The following DDX50 variants were observed in gnomAD, a reference collection of about 807,000 sequenced individuals.
DDX50 encodes DExD-box helicase 50.
In DDX50, 56 loss-of-function variants were observed where a neutral mutation model predicts 94.8. That is an observed-to-expected ratio of 0.59 (90% CI 0.48 to 0.74). The LOEUF is 0.74. Ranked by LOEUF, DDX50 falls within the 30% of genes least tolerant of loss-of-function variation. DDX50 has a pLI of 0.00. For synonymous variants in DDX50, 264 were observed against 295.4 expected (o/e 0.89, Z 1.09); for missense variants, 713 against 881.2 (o/e 0.81, Z 2.42).
At chr10:68,946,231 A>G in intron 14 of DDX50, 121 bp from the exon 15 acceptor site, 1 of 1,216,884 alleles carries the variant, frequency 8.2e-7, no homozygotes, top group Non-Finnish European at 1.1e-6. Flanking sequence ...TGTTCCAGAT[A>G]CGTTAACAGA....
rs919455442 is a variant in DDX50 at position 68,943,363 on chromosome 10, A to G, written c.1935+106A>G. 2.1e-5 allele frequency: 18 copies of G among 875,638 alleles called. No individual in the cohort carries two copies. The African/African-American group carries it at 2.1e-4, about 10-fold the overall frequency. The allele number at this position is 875,638 out of a possible 1,614,324, so 54.2% of individuals were successfully genotyped here. A position where few individuals can be genotyped will look rare whatever the true frequency, so the allele number is the denominator to read the frequency against. On this transcript the variant is annotated intron_variant, in intron 14 of 14. Coordinates refer to ENST00000373585, the MANE Select transcript of DDX50 (RefSeq NM_024045.2). ...CAATGTCATTATCATGCCTAAATCA[A>G]TGAGGAATTCCTTAATATAAAATAA... is the stretch of plus-strand genomic sequence containing the variant.
rs549071330 is a variant in DDX50, at chr10:68,935,027, A to T, written c.1521+109A>T. ...GGTCTTCATAACTTTTCTCAGTTTA[A>T]GCTGCATTTGGCTGTGAAGCCTGTG... On this transcript the variant is annotated intron_variant, in intron 10 of 14. Coordinates refer to ENST00000373585, the MANE Select transcript of DDX50 (RefSeq NM_024045.2). 869 of 1,374,726 alleles carry T rather than the reference A, an allele frequency of 6.3e-4. 1 individual carries two copies. The highest frequency in any genetic ancestry group is 8.0e-4 in the Non-Finnish European group (823 of 1,034,740). The allele number at this position is 1,374,726 out of a possible 1,614,324, so 85.2% of individuals were successfully genotyped here. A position where few individuals can be genotyped will look rare whatever the true frequency, so the allele number is the denominator to read the frequency against.
chr10:68,908,695 C>T (rs1370021958), intron 2 of DDX50, among the ~76,000 whole-genome samples: 1 of 130,586 alleles, frequency 7.7e-6, no homozygotes, highest in Non-Finnish European at 1.5e-5. Context: ...GGATGGAGTG[C>T]AGTGGTGTGA....
chr10:68,924,750 T>C (rs1448500523), intron 8 of DDX50, among the ~76,000 whole-genome samples: 3 of 152,200 alleles, frequency 2.0e-5, no homozygotes, highest in African/African-American at 4.8e-5. Context: ...GATCCTGTTA[T>C]TCTTGGCATC....
chr10:68,921,132 ATAT>A (rs1841929313), intron 8 of DDX50, among the ~76,000 whole-genome samples: 1 of 151,896 alleles, frequency 6.6e-6, no homozygotes, highest in Non-Finnish European at 1.5e-5. Context: ...CCTGGATATC[ATAT>A]TATTATATCC....
intron 1 of DDX50, among the ~76,000 whole-genome samples, chr10:68,904,735 A>C (rs1452553181): frequency 6.6e-6 from 1 of 152,242 alleles, no homozygotes; most frequent in Non-Finnish European, 1.5e-5. Context: ...CAGGGCCCAG[A>C]AGCAATTCAA....
chr10:68,919,418 T>C (rs1442738497), intron 7 of DDX50, among the ~76,000 whole-genome samples: 1 of 152,086 alleles, frequency 6.6e-6, no homozygotes, highest in African/African-American at 2.4e-5. Flanking sequence ...TCATGCCCCG[T>C]CCCAGTCAGT....
At chr10:68,917,602 TTG>T (rs1476356034) in intron 7 of DDX50, among the ~76,000 whole-genome samples, 2 of 151,944 alleles carry the variant, frequency 1.3e-5, no homozygotes, top group Middle Eastern at 3.2e-3. Context: ...TTTGTTCGTG[TTG>T]TGTTTTTGTT....
intron 2 of DDX50, among the ~76,000 whole-genome samples, chr10:68,907,631 C>A (rs1171512952): frequency 6.6e-6 from 1 of 151,766 alleles, no homozygotes; most frequent in African/African-American, 2.4e-5. Context: ...ATTAGTAATT[C>A]TTTATATTAT....
At chr10:68,942,912 C>T (rs563177407) in intron 13 of DDX50, among the ~76,000 whole-genome samples, 4 of 152,108 alleles carry the variant, frequency 2.6e-5, no homozygotes, top group African/African-American at 4.8e-5. Flanking sequence ...TGAACTACCA[C>T]GCCTGGCCCA....
chr10:68,905,972 C>T (rs1171097226), intron 1 of DDX50, among the ~76,000 whole-genome samples: 2 of 152,092 alleles, frequency 1.3e-5, no homozygotes, highest in Admixed American at 6.6e-5. Context: ...TATCCCTTAT[C>T]CAAAATCCTT....
At chr10:68,931,392 A>AAAAAT (rs1256416800) in intron 8 of DDX50, among the ~76,000 whole-genome samples, 38 of 85,750 alleles carry the variant, frequency 4.4e-4, no homozygotes, top group East Asian at 1.7e-3. Flanking sequence ...TAAAAAAAAA[A>AAAAAT]ATATATATAT....
At chr10:68,921,329 A>G (rs78548520) in intron 8 of DDX50, among the ~76,000 whole-genome samples, 2 of 152,108 alleles carry the variant, frequency 1.3e-5, no homozygotes, top group Admixed American at 6.5e-5. Flanking sequence ...AGGTTTTTAC[A>G]TTGTGTGATT....
chr10:68,931,392 A>AAAATATAT (rs1256416800), intron 8 of DDX50, among the ~76,000 whole-genome samples: 1 of 85,758 alleles, frequency 1.2e-5, no homozygotes, highest in African/African-American at 4.7e-5. Flanking sequence ...TAAAAAAAAA[A>AAAATATAT]ATATATATAT....
At chr10:68,923,111 T>TAACA (rs1841985810) in intron 8 of DDX50, among the ~76,000 whole-genome samples, 1 of 114,450 alleles carries the variant, frequency 8.7e-6, no homozygotes, top group Non-Finnish European at 1.7e-5. Context: ...CCCTTTCTCT[T>TAACA]AAAAAAAAAA....
intron 8 of DDX50, among the ~76,000 whole-genome samples, chr10:68,929,288 CCTTCCTCTCT>C (rs1842174592): frequency 1.3e-5 from 1 of 78,588 alleles, no homozygotes; most frequent in Admixed American, 1.2e-4. Context: ...TTCCTTCCTT[CCTTCCTCTCT>C]CTCTCTCTCT....
intron 10 of DDX50, 78 bp from the exon 11 acceptor site, chr10:68,935,928 A>G (rs1465046260): frequency 3.2e-6 from 3 of 941,928 alleles, no homozygotes; most frequent in Non-Finnish European, 4.8e-6. Flanking sequence ...TAGAAATTCA[A>G]CGAACTATTA....
chr10:68,913,059 T>TTG, intron 4 of DDX50, 103 bp from the exon 5 acceptor site: 1 of 849,290 alleles, frequency 1.2e-6, no homozygotes, highest in Non-Finnish European at 1.9e-6. Context: ...GACATTAATG[T>TTG]TGAGATTCCT....
At chr10:68,939,592 T>C (rs182590686) in intron 12 of DDX50, among the ~76,000 whole-genome samples, 24 of 152,310 alleles carry the variant, frequency 1.6e-4, no homozygotes, top group Non-Finnish European at 5.9e-5. Flanking sequence ...AGACATAAAC[T>C]TAACTATTAC....
Sources: allele counts gnomAD v4.1 joint callset (sites outside exome capture counted in the v4.1 genomes callset), GRCh38; gene constraint gnomAD v4.1.1; transcripts MANE v1.5; gene names NCBI Gene and HGNC (gene_info 2026-07-23, HGNC 2026-07-21).